CENPW: variants seen among roughly 807,000 people sequenced by gnomAD.
CENPW encodes the protein centromere protein W.
In CENPW, 3 loss-of-function variants were observed where a neutral mutation model predicts 11.1. The observed-to-expected ratio is 0.27, with a 90% confidence interval of 0.12 to 0.70. CENPW has a LOEUF of 0.70. Ranked by LOEUF, CENPW falls within the 30% of genes least tolerant of loss-of-function variation. The pLI is 0.77. For missense variants in CENPW, 100 were observed against 105.6 expected (o/e 0.95, Z 0.23); for synonymous variants, 38 against 42.0 (o/e 0.91, Z 0.37).
At chr6:126,344,712 G>A (rs1305548435) in intron 1 of CENPW, among the ~76,000 whole-genome samples, 2 of 152,064 alleles carry the variant, frequency 1.3e-5, no homozygotes, top group Non-Finnish European at 2.9e-5. Flanking sequence ...TGTTCATATT[G>A]TTTAAATTCC....
chr6:126,430,001 A>T, the CENPW span, among the ~76,000 whole-genome samples: 2 of 152,202 alleles, frequency 1.3e-5, no homozygotes, highest in South Asian at 4.1e-4. Context: ...CCTGAGAGAA[A>T]GCATGTCCTC....
chr6:126,391,284 T>C, the CENPW span, among the ~76,000 whole-genome samples: 50 of 152,110 alleles, frequency 3.3e-4, no homozygotes, highest in Middle Eastern at 3.4e-3. Flanking sequence ...AAAATATGTA[T>C]TCAGATCTTT....
chr6:126,448,161 G>A, the CENPW span, among the ~76,000 whole-genome samples: 3 of 151,114 alleles, frequency 2.0e-5, no homozygotes, highest in Admixed American at 1.3e-4. Context: ...AGCATCACCT[G>A]GGAGCTTGTT....
chr6:126,357,689 A>G, the CENPW span, among the ~76,000 whole-genome samples: 2 of 151,648 alleles, frequency 1.3e-5, no homozygotes, highest in Non-Finnish European at 2.9e-5. Context: ...GCTCACTGCA[A>G]CCTCCACCTC....
chr6:126,404,540 C>A, the CENPW span, among the ~76,000 whole-genome samples: 1 of 152,084 alleles, frequency 6.6e-6, no homozygotes, highest in Admixed American at 6.6e-5. Context: ...AGTGAGAGTG[C>A]TCAAACATGT....
chr6:126,359,303 C>CT, the CENPW span, among the ~76,000 whole-genome samples: 341 of 143,716 alleles, frequency 2.4e-3, 1 homozygote, highest in African/African-American at 4.8e-3. Context: ...GATTTCTTTT[C>CT]TTTTTTTTTT....
chr6:126,406,146 G>A, the CENPW span, among the ~76,000 whole-genome samples: 74 of 152,168 alleles, frequency 4.9e-4, no homozygotes, highest in Non-Finnish European at 5.7e-4. Context: ...ATAACTTGTT[G>A]AGTGTTTTTA....
the CENPW span, among the ~76,000 whole-genome samples, chr6:126,479,490 T>C: frequency 6.6e-6 from 1 of 151,932 alleles, no homozygotes; most frequent in South Asian, 2.1e-4. Flanking sequence ...AAAACAAGAC[T>C]TGAGGGACAC....
chr6:126,362,701 G>A, the CENPW span, among the ~76,000 whole-genome samples: 2 of 152,130 alleles, frequency 1.3e-5, no homozygotes, highest in Non-Finnish European at 2.9e-5. Context: ...GAGAAAAGCT[G>A]TTTTGTTGAT....
chr6:126,394,924 C>G, the CENPW span, among the ~76,000 whole-genome samples: 335 of 152,008 alleles, frequency 2.2e-3, no homozygotes, highest in African/African-American at 7.8e-3. Flanking sequence ...TGTCTGCTGC[C>G]GGACGTATTG....
chr6:126,362,279 CTG>C, the CENPW span, among the ~76,000 whole-genome samples: 6 of 152,156 alleles, frequency 3.9e-5, no homozygotes, highest in Non-Finnish European at 8.8e-5. Flanking sequence ...CTCATGGGCT[CTG>C]TGCCAGTTGA....
intron 1 of CENPW, among the ~76,000 whole-genome samples, chr6:126,342,194 G>A (rs1452435408): frequency 6.6e-6 from 1 of 152,158 alleles, no homozygotes; most frequent in Admixed American, 6.5e-5. Flanking sequence ...GCAAGGTTAA[G>A]TGAGAGGAAC....
At chr6:126,402,581 A>G in the CENPW span, among the ~76,000 whole-genome samples, 4 of 118,706 alleles carry the variant, frequency 3.4e-5, no homozygotes, top group African/African-American at 1.3e-4. Context: ...GGATTTGCCT[A>G]TCCTAGACAT....
At chr6:126,341,512 A>T (rs534181553) in intron 1 of CENPW, among the ~76,000 whole-genome samples, 39 of 152,306 alleles carry the variant, frequency 2.6e-4, no homozygotes, top group Non-Finnish European at 4.7e-4. Context: ...CTCTGAAGCC[A>T]AAACACAACA....
At chr6:126,376,484 C>G in the CENPW span, among the ~76,000 whole-genome samples, 1 of 152,100 alleles carries the variant, frequency 6.6e-6, no homozygotes, top group Non-Finnish European at 1.5e-5. Flanking sequence ...CAGTAGGCCT[C>G]TCTTGTCATT....
the CENPW span, among the ~76,000 whole-genome samples, chr6:126,374,426 G>GT: frequency 6.6e-6 from 1 of 152,132 alleles, no homozygotes; most frequent in Non-Finnish European, 1.5e-5. Context: ...CAGATTTGAG[G>GT]TTTTTTCCTG....
chr6:126,418,349 A>G, the CENPW span, among the ~76,000 whole-genome samples: 3 of 152,250 alleles, frequency 2.0e-5, no homozygotes, highest in Non-Finnish European at 4.4e-5. Flanking sequence ...TTAATAGTCC[A>G]TTAATCAGCT....
At position 126,340,299 on chromosome 6, in the gene CENPW, A is replaced by G; in HGVS notation, c.26A>G (p.Gln9Arg). The change falls in exon 1 of 3, where the codon CAG (glutamine) becomes CGG (arginine). Residue 9 changes from glutamine to arginine, a missense_variant. Physicochemically the swap from Gln to Arg is conservative, Grantham distance 43 (BLOSUM62 1). Coordinates refer to ENST00000368328, the MANE Select transcript of CENPW (RefSeq NM_001012507.4). MALSTIVS[Q>R]RKQIKRKAPR... ...ATGGCGCTGTCGACCATAGTCTCCC[A>G]GAGGAAGCAGATAAAGCGGAAGGCT... 6.2e-7 allele frequency: 1 copy of G among 1,613,958 alleles called. No homozygotes were observed. The highest frequency in any genetic ancestry group is 1.1e-5 in the South Asian group (1 of 91,064).
the CENPW span, among the ~76,000 whole-genome samples, chr6:126,411,890 A>ACCTTCCTTCCTTCCTTCCTC: frequency 7.0e-6 from 1 of 143,240 alleles, no homozygotes; most frequent in African/African-American, 2.6e-5. Context: ...CGTCCTTCCT[A>ACCTTCCTTCCTTCCTTCCTC]CCTTCCTTCC....
Sources: gnomAD v4.1 joint callset for allele counts (sites outside exome capture counted in the v4.1 genomes callset) on GRCh38, gnomAD v4.1.1 for gene constraint, MANE v1.5 for transcripts, NCBI Gene and HGNC (gene_info 2026-07-23, HGNC 2026-07-21) for gene names.